The following ST8SIA4 variants were observed in gnomAD, a reference collection of about 807,000 sequenced individuals.
ST8SIA4 encodes the protein ST8 alpha-N-acetyl-neuraminide alpha-2,8-sialyltransferase 4, also known as CMP-N-acetylneuraminate-poly-alpha-2,8-sialyltransferase.
A neutral mutation model predicts 33.9 loss-of-function variants in ST8SIA4; 15 were observed. The ratio of observed to expected loss-of-function variants is 0.44; its 90% CI spans 0.30 to 0.68. ST8SIA4 has a LOEUF of 0.68. Ranked by LOEUF, ST8SIA4 falls within the 30% of genes least tolerant of loss-of-function variation. ST8SIA4 has a pLI of 0.10. For synonymous variants in ST8SIA4, 171 were observed against 151.2 expected, an observed-to-expected ratio of 1.13 and a Z score of -0.96; for missense variants, 321 against 428.0, an observed-to-expected ratio of 0.75 and a Z score of 2.21.
intron 4 of ST8SIA4, among the ~76,000 whole-genome samples, chr5:100,828,984 T>C (rs779321431): frequency 6.6e-6 from 1 of 152,210 alleles, no homozygotes; most frequent in Non-Finnish European, 1.5e-5. Context: ...CAGGCAATAT[T>C]TGAGCTCAAA....
At chr5:100,856,662 C>G (rs988471066) in intron 3 of ST8SIA4, among the ~76,000 whole-genome samples, 3 of 152,168 alleles carry the variant, frequency 2.0e-5, no homozygotes, top group Middle Eastern at 3.2e-3. Context: ...ATATCCTTTG[C>G]TATTATCTCA....
At chr5:100,891,359 C>T (rs1752659662) in intron 2 of ST8SIA4, among the ~76,000 whole-genome samples, 1 of 151,956 alleles carries the variant, frequency 6.6e-6, no homozygotes, top group South Asian at 2.1e-4. Flanking sequence ...AAAAAATGCC[C>T]AGTGTTTCAT....
intron 4 of ST8SIA4, among the ~76,000 whole-genome samples, chr5:100,852,313 G>T (rs1261811878): frequency 6.6e-6 from 1 of 151,024 alleles, no homozygotes; most frequent in Non-Finnish European, 1.5e-5. Context: ...GTAGAGGCGG[G>T]GTTTCGCCAT....
chr5:100,835,009 A>G (rs1243929292), intron 4 of ST8SIA4, among the ~76,000 whole-genome samples: 1 of 152,194 alleles, frequency 6.6e-6, no homozygotes, highest in African/African-American at 2.4e-5. Flanking sequence ...AATGTAAAAC[A>G]TGGGTGAAAT....
intron 3 of ST8SIA4, among the ~76,000 whole-genome samples, chr5:100,881,861 C>A (rs766582754): frequency 4.6e-5 from 7 of 152,190 alleles, no homozygotes; most frequent in Non-Finnish European, 8.8e-5. Context: ...TTGCCACCGC[C>A]ATGTAAGAAG....
At chr5:100,819,522 A>T (rs1486368376) in intron 4 of ST8SIA4, among the ~76,000 whole-genome samples, 2 of 152,228 alleles carry the variant, frequency 1.3e-5, no homozygotes, top group Non-Finnish European at 2.9e-5. Context: ...CAAGCTACCA[A>T]CCTGACATCA....
intron 3 of ST8SIA4, chr5:100,885,336 T>G (rs1189681540): frequency 2.1e-6 from 2 of 958,156 alleles, no homozygotes; most frequent in African/African-American, 3.5e-5. Context: ...GCAGTTTTAT[T>G]TGCTATTATG....
At position 100,812,101 on chromosome 5, in the gene ST8SIA4, T is replaced by C; in HGVS notation, c.826A>G (p.Lys276Glu). The part of the protein sequence containing the change: ...GYWLTNKVPI[K>E]RPSTGLLMYT... ...ATGAGAAGACCTGTGCTGGGTCTTTTGATAGGAACTTTGTTGGTCAGCCAG... is the reference window on the plus strand; with the variant it reads ...ATGAGAAGACCTGTGCTGGGTCTTTCGATAGGAACTTTGTTGGTCAGCCAG... The change falls in exon 5 of 5, where the codon AAA becomes GAA. Residue 276 changes from lysine (K) to glutamate (E), a missense_variant. By Grantham distance (56) the Lys-to-Glu change is moderately conservative (BLOSUM62 1). Coordinates refer to ENST00000231461, the MANE Select transcript of ST8SIA4 (RefSeq NM_005668.6). The C allele has an allele frequency of 6.2e-7, 1 of 1,611,656 alleles. No individual in the cohort carries two copies. Among genetic ancestry groups the C allele is most frequent in the Non-Finnish European group, 8.5e-7 (1 of 1,179,276 alleles).
At chr5:100,839,019 G>A (rs1751419471) in intron 4 of ST8SIA4, among the ~76,000 whole-genome samples, 1 of 112,940 alleles carries the variant, frequency 8.9e-6, no homozygotes, top group African/African-American at 2.7e-5. Context: ...GTAGAGATGA[G>A]GGCTTGCTAT....
rs1429966706 is a variant in ST8SIA4, at chr5:100,809,781, T to C, written c.*2066A>G. ...GTTTAATTATAAAAGTACATTAATG[T>C]TCCATTCATTTTTAGCTATCAGTCT... On this transcript the variant is annotated 3_prime_UTR_variant, in exon 5 of 5. Coordinates refer to ENST00000231461, the MANE Select transcript of ST8SIA4 (RefSeq NM_005668.6). 2 of 152,182 alleles carry C rather than the reference T, an allele frequency of 1.3e-5. No individual in the cohort carries two copies. Among genetic ancestry groups the C allele is most frequent in the East Asian group, 1.9e-4 (1 of 5,198 alleles). The allele number at this position is 152,182 out of a possible 1,614,324, so 9.4% of individuals were successfully genotyped here.
intron 3 of ST8SIA4, among the ~76,000 whole-genome samples, chr5:100,876,744 A>T (rs1358718556): frequency 6.6e-6 from 1 of 151,936 alleles, no homozygotes; most frequent in Non-Finnish European, 1.5e-5. Flanking sequence ...TCTTATGATT[A>T]TTTTTCTGTT....
chr5:100,839,033 GA>G (rs67138278), intron 4 of ST8SIA4, among the ~76,000 whole-genome samples: 82,611 of 151,512 alleles, frequency 0.55, 24,157 homozygotes, highest in South Asian at 0.74. Context: ...TTGCTATGTT[GA>G]AAAGCCTGAT....
chr5:100,900,383 G>A (rs1752877843), intron 1 of ST8SIA4: 4 of 455,972 alleles, frequency 8.8e-6, no homozygotes, highest in African/African-American at 2.0e-5. Flanking sequence ...CTCAAAACTG[G>A]CCTCTCCACG....
At chr5:100,817,850 T>C (rs1309149567) in intron 4 of ST8SIA4, among the ~76,000 whole-genome samples, 1 of 152,132 alleles carries the variant, frequency 6.6e-6, no homozygotes, top group Non-Finnish European at 1.5e-5. Context: ...TGTGTGTAAA[T>C]AAAGGGACAG....
At chr5:100,838,093 A>T (rs1429746969) in intron 4 of ST8SIA4, among the ~76,000 whole-genome samples, 2 of 152,010 alleles carry the variant, frequency 1.3e-5, no homozygotes, top group Admixed American at 6.6e-5. Flanking sequence ...CAGGCTTGTT[A>T]TCAGGATGTA....
chr5:100,856,353 T>C lies in ST8SIA4; in HGVS notation c.547A>G (p.Thr183Ala). ...TTCATGGTAATAAAATCTGATTTAG[T>C]TCCCACATCTGCAGCAAACTCCACC... ...PVVEFAADVG[T>A]KSDFITMNPS... is the part of the protein sequence containing the mutation. The change falls in exon 4 of 5, where the codon ACT (threonine) becomes GCT (alanine). Residue 183 changes from threonine to alanine, a missense_variant. By Grantham distance (58) the Thr-to-Ala change is moderately conservative (BLOSUM62 0). Coordinates refer to ENST00000231461, the MANE Select transcript of ST8SIA4 (RefSeq NM_005668.6). 2 of 1,613,968 alleles carry C rather than the reference T, an allele frequency of 1.2e-6. No individual in the cohort carries two copies. Among genetic ancestry groups the C allele is most frequent in the Non-Finnish European group, 1.7e-6 (2 of 1,179,918 alleles).
At chr5:100,863,758 T>C (rs889961397) in intron 3 of ST8SIA4, among the ~76,000 whole-genome samples, 3 of 152,228 alleles carry the variant, frequency 2.0e-5, no homozygotes, top group Non-Finnish European at 4.4e-5. Context: ...CTTTAATTTA[T>C]TTAAATGTAA....
rs1195180628 is a variant in ST8SIA4 at position 100,899,740 on chromosome 5, A to G, written c.113+3103T>C. Among the ~76,000 whole-genome samples the G allele has an allele frequency of 3.3e-5, 5 of 152,186 alleles. No homozygotes were observed. The East Asian group carries it at 9.6e-4, about 29-fold the overall frequency. The stretch of plus-strand genomic sequence containing the variant: ...GATGCTTACATATTTTACTTGTGGG[A>G]GCCTTACATTAACACATTTCCAGTT... On this transcript the variant is annotated intron_variant, in intron 1 of 4. Transcript: ENST00000231461.
intron 4 of ST8SIA4, among the ~76,000 whole-genome samples, chr5:100,830,800 T>A (rs911638506): frequency 1.3e-5 from 2 of 152,236 alleles, no homozygotes; most frequent in African/African-American, 4.8e-5. Context: ...AAGAAATATA[T>A]GTGTGTAAGT....
Sources: allele counts gnomAD v4.1 joint callset (sites outside exome capture counted in the v4.1 genomes callset), GRCh38; gene constraint gnomAD v4.1.1; transcripts MANE v1.5; gene names NCBI Gene and HGNC (gene_info 2026-07-23, HGNC 2026-07-21).